Variants in CDC123 observed in about 807,000 individuals in gnomAD.
CDC123 encodes the protein cell division cycle 123.
In CDC123, 37 loss-of-function variants were observed where a neutral mutation model predicts 54.4. That is an observed-to-expected ratio of 0.68 (90% CI 0.52 to 0.89). CDC123 has a LOEUF of 0.89. Ranked by LOEUF, CDC123 falls within the 40% of genes least tolerant of loss-of-function variation. The pLI is 0.00. For synonymous variants in CDC123, 144 were observed against 136.8 expected (o/e 1.05, Z -0.37); for missense variants, 361 against 412.1 (o/e 0.88, Z 1.07).
intron 6 of CDC123, among the ~76,000 whole-genome samples, chr10:12,220,106 C>G (rs1835716040): frequency 6.6e-6 from 1 of 152,220 alleles, no homozygotes; most frequent in Non-Finnish European, 1.5e-5. Flanking sequence ...GCTGGGATTA[C>G]AAGCGTGAGC....
intron 2 of CDC123, among the ~76,000 whole-genome samples, chr10:12,204,085 C>T: frequency 8.3e-6 from 1 of 120,676 alleles, no homozygotes. Context: ...AGAGCAAGAC[C>T]TTGTCTCAAA....
chr10:12,206,828 G>A (rs576425848), intron 2 of CDC123, among the ~76,000 whole-genome samples: 498 of 151,892 alleles, frequency 3.3e-3, no homozygotes, highest in Non-Finnish European at 5.1e-3. Flanking sequence ...GTGTGGTGGC[G>A]GGCGCCTGGA....
intron 6 of CDC123, among the ~76,000 whole-genome samples, chr10:12,223,990 G>A (rs1346999232): frequency 6.6e-6 from 1 of 152,012 alleles, no homozygotes; most frequent in Non-Finnish European, 1.5e-5. Context: ...TGTACCCAAC[G>A]TGTAGTCTTT....
rs117856574 is a variant in CDC123 at position 12,241,882 on chromosome 10, T to C, written c.717+3397T>C. Among the ~76,000 whole-genome samples the C allele has an allele frequency of 5.3e-5, 8 of 152,298 alleles. No individual in the cohort carries two copies. The East Asian group carries it at 1.5e-3, about 29-fold the overall frequency. On this transcript the variant is annotated intron_variant, in intron 10 of 12. Coordinates refer to ENST00000281141, the MANE Select transcript of CDC123 (RefSeq NM_006023.3). ...CTGGAGTTTGTGTCTGAGTTCTGATTCCCTTCCTGTGGCCAGGCTGCTAGG... is the reference window on the plus strand; with the variant it reads ...CTGGAGTTTGTGTCTGAGTTCTGATCCCCTTCCTGTGGCCAGGCTGCTAGG...
intron 10 of CDC123, among the ~76,000 whole-genome samples, chr10:12,241,393 A>ACTTCC (rs952919322): frequency 1.3e-5 from 2 of 152,150 alleles, no homozygotes; most frequent in African/African-American, 4.8e-5. Flanking sequence ...TTTAAAAAAT[A>ACTTCC]CTTCCCCATG....
Position 12,250,360 on chromosome 10 carries a change from G to C in CDC123, c.*23G>C. The C allele has an allele frequency of 6.3e-7, 1 of 1,588,630 alleles. No homozygotes were observed. Among genetic ancestry groups the C allele is most frequent in the Non-Finnish European group, 8.6e-7 (1 of 1,157,404 alleles). On this transcript the variant is annotated 3_prime_UTR_variant, in exon 13 of 13. Coordinates refer to ENST00000281141, the MANE Select transcript of CDC123 (RefSeq NM_006023.3). ...TGATGAGCGTACTGGAACTGGAGAA[G>C]AGGAGGCCCCGCCCCACCGCTCCGG...
chr10:12,240,366 G>A (rs1189149370), intron 10 of CDC123, among the ~76,000 whole-genome samples: 2 of 152,110 alleles, frequency 1.3e-5, no homozygotes, highest in Admixed American at 6.6e-5. Context: ...TTCTCTCTCC[G>A]TGCTTAGATC....
At chr10:12,223,174 T>C (rs184095392) in intron 6 of CDC123, among the ~76,000 whole-genome samples, 6 of 152,276 alleles carry the variant, frequency 3.9e-5, no homozygotes, top group Non-Finnish European at 7.4e-5. Flanking sequence ...GATTACAGGC[T>C]TGAGCCAGTG....
At chr10:12,237,069 A>C in intron 8 of CDC123, 75 bp from the exon 9 acceptor site, 1 of 1,415,246 alleles carries the variant, frequency 7.1e-7, no homozygotes, top group Non-Finnish European at 9.3e-7. Context: ...CTTTCCACAA[A>C]ATGTTTAAAT....
rs190061091 is a variant in CDC123, at chr10:12,228,849, C to T, written c.441-2099C>T. On this transcript the variant is annotated intron_variant, in intron 6 of 12. Coordinates refer to ENST00000281141, the MANE Select transcript of CDC123 (RefSeq NM_006023.3). ...CCTCCCAAAGTGCTGGGATTATAGG[C>T]GTGAGCCACTGCGCCTGGCCACGCC... Among the ~76,000 whole-genome samples, 57 of 152,172 alleles carry T rather than the reference C, an allele frequency of 3.7e-4. No homozygotes were observed. In the Middle Eastern group the frequency reaches 0.01, roughly 27 times the overall value.
intron 6 of CDC123, among the ~76,000 whole-genome samples, chr10:12,226,983 C>T (rs572750225): frequency 4.6e-5 from 7 of 152,216 alleles, no homozygotes; most frequent in South Asian, 2.1e-4. Flanking sequence ...ACTGAGTGAG[C>T]GAGACTCCGT....
In CDC123 at chr10:12,250,426, G is replaced by T. The variant is rs779963883; in HGVS notation, c.*89G>T. The T allele has an allele frequency of 1.0e-6, 1 of 1,000,898 alleles. No homozygotes were observed. The highest frequency in any genetic ancestry group is 1.6e-6 in the Non-Finnish European group (1 of 621,500). The allele number at this position is 1,000,898 out of a possible 1,614,324, so 62.0% of individuals were successfully genotyped here. A position where few individuals can be genotyped will look rare whatever the true frequency, so the allele number is the denominator to read the frequency against. On this transcript the variant is annotated 3_prime_UTR_variant, in exon 13 of 13. Transcript: ENST00000281141. ...CGCAACTTCCTGCCGACCCTGATGC[G>T]GGTGGGCCGAGCAGTGTGGACATCA...
chr10:12,219,490 C>A (rs912172325), intron 6 of CDC123, among the ~76,000 whole-genome samples: 10 of 152,106 alleles, frequency 6.6e-5, no homozygotes, highest in Non-Finnish European at 4.4e-5. Context: ...ATTGTCAACC[C>A]TCTGGTTGTG....
At chr10:12,230,654 TGTA>T (rs540153475) in intron 6 of CDC123, among the ~76,000 whole-genome samples, 211 of 152,372 alleles carry the variant, frequency 1.4e-3, no homozygotes, top group African/African-American at 4.8e-3. Context: ...CGTTGTTGAC[TGTA>T]GTCACCCTGT....
intron 6 of CDC123, among the ~76,000 whole-genome samples, chr10:12,221,815 C>T (rs538690183): frequency 1.3e-5 from 2 of 149,048 alleles, no homozygotes; most frequent in Admixed American, 1.3e-4. Context: ...TTTTTTAGCT[C>T]ATCAGCTATC....
chr10:12,245,933 G>T (rs1023728536), intron 10 of CDC123: 13 of 426,608 alleles, frequency 3.0e-5, no homozygotes, highest in African/African-American at 2.4e-4. Context: ...AGCTGCATGT[G>T]GTGGTGCATG....
intron 4 of CDC123, 58 bp downstream of exon 4, chr10:12,210,380 C>CT: frequency 1.2e-6 from 2 of 1,602,712 alleles, no homozygotes; most frequent in South Asian, 2.2e-5. Context: ...CAAGGGTTAG[C>CT]GTCAAGGTTT....
chr10:12,214,172 T>A (rs1835636138), intron 4 of CDC123, among the ~76,000 whole-genome samples: 1 of 152,214 alleles, frequency 6.6e-6, no homozygotes, highest in South Asian at 2.1e-4. Flanking sequence ...TGAAAAGTAA[T>A]CCTTAGATGT....
intron 8 of CDC123, among the ~76,000 whole-genome samples, chr10:12,236,815 C>T (rs887980382): frequency 3.3e-5 from 5 of 152,186 alleles, no homozygotes; most frequent in Middle Eastern, 3.4e-3. Context: ...AATCGCTTCT[C>T]GGGCAGCAGA....
Sources: gnomAD v4.1 joint callset for allele counts (sites outside exome capture counted in the v4.1 genomes callset) on GRCh38, gnomAD v4.1.1 for gene constraint, MANE v1.5 for transcripts, NCBI Gene and HGNC (gene_info 2026-07-23, HGNC 2026-07-21) for gene names.